The following NAV3 variants were observed in gnomAD, a reference collection of about 807,000 sequenced individuals.
The protein encoded by NAV3 is neuron navigator 3.
Under a neutral mutation model 244.7 loss-of-function variants are expected in NAV3, and 87 were observed. That is an observed-to-expected ratio of 0.36 (90% CI 0.30 to 0.42). The LOEUF (loss-of-function observed/expected upper bound fraction) is 0.42, where lower values mean the gene tolerates loss of function less well. Ranked by LOEUF, NAV3 falls within the 20% of genes least tolerant of loss-of-function variation. The pLI is 1.00. For missense variants in NAV3, 2,663 were observed against 2,893.3 expected (o/e 0.92, Z 1.83); for synonymous variants, 1,126 against 1,042.2 (o/e 1.08, Z -1.55).
At chr12:77,700,430 C>T (rs1049515575) in intron 2 of NAV3, among the ~76,000 whole-genome samples, 3 of 152,176 alleles carry the variant, frequency 2.0e-5, no homozygotes, top group Admixed American at 2.0e-4. Context: ...GTGTTTCACC[C>T]TAAAATTTTC....
intron 12 of NAV3, among the ~76,000 whole-genome samples, chr12:78,099,809 T>G (rs947291584): frequency 1.3e-5 from 2 of 151,852 alleles, no homozygotes; most frequent in African/African-American, 4.8e-5. Context: ...TTAAAAAAAA[T>G]AGATGTTTCT....
At chr12:78,095,532 T>G (rs1006640125) in intron 12 of NAV3, among the ~76,000 whole-genome samples, 3 of 152,140 alleles carry the variant, frequency 2.0e-5, no homozygotes, top group Admixed American at 1.3e-4. Flanking sequence ...GTTTGTACCA[T>G]GCTAAAGTTT....
At chr12:78,004,889 G>C (rs1038254617) in intron 7 of NAV3, among the ~76,000 whole-genome samples, 3 of 152,166 alleles carry the variant, frequency 2.0e-5, no homozygotes, top group Non-Finnish European at 4.4e-5. Context: ...ATTACTGTGG[G>C]TTGGATGTGG....
intron 9 of NAV3, chr12:78,037,526 T>C (rs758456516): frequency 6.0e-5 from 35 of 588,156 alleles, no homozygotes; most frequent in Non-Finnish European, 4.8e-5. Flanking sequence ...TTTAAATTCC[T>C]GTTTCTTGAA....
chr12:77,574,924 A>G (rs1359055327), intron 2 of NAV3, among the ~76,000 whole-genome samples: 6 of 151,886 alleles, frequency 4.0e-5, no homozygotes, highest in South Asian at 2.1e-4. Flanking sequence ...AGGAACATGC[A>G]TGATACCTTT....
At chr12:77,836,072 ATCTC>A (rs2136120711) in intron 1 of NAV3, among the ~76,000 whole-genome samples, 1 of 152,222 alleles carries the variant, frequency 6.6e-6, no homozygotes, top group South Asian at 2.1e-4. Context: ...AAATTTTCTA[ATCTC>A]TCTCATATGG....
Position 77,966,335 on chromosome 12 carries a change from G to A in NAV3, c.487+34G>A, listed in dbSNP as rs143879218. On this transcript the variant is annotated intron_variant, in intron 4 of 39. Transcript: ENST00000397909. ...AAGAATGACTGAATTGTCACAAATGGCATCAATGTTTTTAAATTATTTTTT... is the reference window on the plus strand; with the variant it reads ...AAGAATGACTGAATTGTCACAAATGACATCAATGTTTTTAAATTATTTTTT... 227 of 1,519,858 alleles carry A rather than the reference G, an allele frequency of 1.5e-4. 1 individual carries two copies. In the African/African-American group the frequency reaches 2.7e-3, roughly 18 times the overall value. 94.1% of individuals were successfully genotyped at this position (1,519,858 alleles called of 1,614,324 possible).
At chr12:78,127,289 GT>G in intron 17 of NAV3, 81 bp downstream of exon 17, 1 of 1,367,868 alleles carries the variant, frequency 7.3e-7, no homozygotes, top group Non-Finnish European at 1.0e-6. Flanking sequence ...TTCTTTGTTT[GT>G]TTGCAATGTA....
chr12:78,000,116 T>C (rs2136461780), intron 7 of NAV3, among the ~76,000 whole-genome samples: 1 of 152,328 alleles, frequency 6.6e-6, no homozygotes, highest in Non-Finnish European at 1.5e-5. Flanking sequence ...ATTAGTAAAA[T>C]TCTGATGATA....
intron 17 of NAV3, 134 bp downstream of exon 17, chr12:78,127,342 T>C (rs1955956682): frequency 1.2e-6 from 1 of 856,118 alleles, no homozygotes; most frequent in Non-Finnish European, 1.8e-6. Flanking sequence ...ATTTTGATGG[T>C]TTCTCTGGCC....
intron 12 of NAV3, among the ~76,000 whole-genome samples, chr12:78,112,737 C>G (rs1158024876): frequency 6.6e-6 from 1 of 152,116 alleles, no homozygotes; most frequent in African/African-American, 2.4e-5. Flanking sequence ...TTCATTCCAC[C>G]TCTGACCCCT....
chr12:77,695,798 A>G (rs910069399), intron 2 of NAV3, among the ~76,000 whole-genome samples: 5 of 152,024 alleles, frequency 3.3e-5, no homozygotes, highest in Non-Finnish European at 7.4e-5. Context: ...ACTCCCTTTT[A>G]ATATATTAAA....
intron 2 of NAV3, among the ~76,000 whole-genome samples, chr12:77,645,050 G>C (rs1872557201): frequency 6.6e-6 from 1 of 152,054 alleles, no homozygotes; most frequent in African/African-American, 2.4e-5. Context: ...TTAAAAAAAG[G>C]GAAAGTTTTG....
At chr12:78,141,663 T>G (rs141204870) in intron 20 of NAV3, among the ~76,000 whole-genome samples, 314 of 152,332 alleles carry the variant, frequency 2.1e-3, no homozygotes, top group African/African-American at 7.3e-3. Context: ...TTTCAATGAT[T>G]AAAATTACCC....
chr12:78,030,733 CAAAT>C (rs1418994144), intron 9 of NAV3, among the ~76,000 whole-genome samples: 1 of 151,992 alleles, frequency 6.6e-6, no homozygotes, highest in Non-Finnish European at 1.5e-5. Flanking sequence ...TTTAACACCA[CAAAT>C]AAATGAATAA....
At chr12:78,183,739 G>A (rs1958595025) in intron 30 of NAV3, among the ~76,000 whole-genome samples, 1 of 151,770 alleles carries the variant, frequency 6.6e-6, no homozygotes, top group Non-Finnish European at 1.5e-5. Context: ...ATATTCCAAG[G>A]CAAATTTAAG....
intron 38 of NAV3, among the ~76,000 whole-genome samples, chr12:78,202,783 T>C (rs536227366): frequency 5.0e-4 from 76 of 152,192 alleles, no homozygotes; most frequent in Non-Finnish European, 9.0e-4. Flanking sequence ...ACAGTTTTCA[T>C]TGCTATTGAA....
chr12:77,910,027 C>T (rs1296445858), intron 1 of NAV3, among the ~76,000 whole-genome samples: 2 of 151,978 alleles, frequency 1.3e-5, no homozygotes, highest in Admixed American at 6.6e-5. Flanking sequence ...CAGAATAGCA[C>T]GATTTTACTC....
At chr12:78,204,890 A>G (rs1960121942) in intron 38 of NAV3, 45 bp from the exon 39 acceptor site, 3 of 1,567,334 alleles carry the variant, frequency 1.9e-6, no homozygotes, top group Non-Finnish European at 8.7e-7. Context: ...TTTGCTGAAT[A>G]GAAATGCATT....
Sources: allele counts gnomAD v4.1 joint callset (sites outside exome capture counted in the v4.1 genomes callset), GRCh38; gene constraint gnomAD v4.1.1; transcripts MANE v1.5; gene names NCBI Gene and HGNC (gene_info 2026-07-23, HGNC 2026-07-21).